The following AAMDC variants were observed in gnomAD, a reference collection of about 807,000 sequenced individuals.
AAMDC encodes mth938 domain-containing protein.
In AAMDC, 16 loss-of-function variants were observed where a neutral mutation model predicts 15.5. That is an observed-to-expected ratio of 1.03 (90% CI 0.70 to 1.57). The LOEUF (loss-of-function observed/expected upper bound fraction) is 1.57. Ranked by LOEUF, AAMDC falls within the 40% of genes most tolerant of loss-of-function variation. The pLI, the probability that AAMDC is intolerant of heterozygous loss-of-function variation, is 0.00. For synonymous variants in AAMDC, 51 were observed against 51.6 expected, an observed-to-expected ratio of 0.99 and a Z score of 0.05; for missense variants, 141 against 144.9, an observed-to-expected ratio of 0.97 and a Z score of 0.14.
At chr11:77,893,712 A>C (rs1281460018) in intron 5 of AAMDC, among the ~76,000 whole-genome samples, 1 of 151,846 alleles carries the variant, frequency 6.6e-6, no homozygotes, top group Non-Finnish European at 1.5e-5. Flanking sequence ...GGCCAACATG[A>C]TGAAACCCCG....
intron 5 of AAMDC, chr11:77,878,702 AC>A: frequency 1.4e-6 from 1 of 693,338 alleles, no homozygotes. Flanking sequence ...TTCTTTACAG[AC>A]CAGGAACTAG....
intron 5 of AAMDC, among the ~76,000 whole-genome samples, chr11:77,892,626 G>T (rs529127437): frequency 6.6e-6 from 1 of 151,840 alleles, no homozygotes; most frequent in East Asian, 1.9e-4. Flanking sequence ...ACTATTGCCC[G>T]GGCTGGTGTG....
intron 1 of AAMDC, among the ~76,000 whole-genome samples, chr11:77,837,390 C>A (rs1344723686): frequency 6.6e-6 from 1 of 151,026 alleles, no homozygotes; most frequent in African/African-American, 2.4e-5. Context: ...CCTGCCTCGG[C>A]CTCCCAAAAT....
intron 1 of AAMDC, among the ~76,000 whole-genome samples, chr11:77,833,103 G>A (rs960649645): frequency 6.8e-6 from 1 of 145,992 alleles, no homozygotes; most frequent in Non-Finnish European, 1.5e-5. Context: ...CTCAATCTCC[G>A]AGGTTCAAGC....
chr11:77,875,814 G>A (rs531867290), downstream of AAMDC, among the ~76,000 whole-genome samples: 3 of 152,324 alleles, frequency 2.0e-5, no homozygotes, highest in African/African-American at 7.2e-5. Flanking sequence ...GAGACAGTCT[G>A]AGGAGCACAT....
intron 5 of AAMDC, among the ~76,000 whole-genome samples, chr11:77,896,299 T>C (rs181235179): frequency 7.2e-5 from 11 of 152,224 alleles, no homozygotes; most frequent in Admixed American, 3.9e-4. Context: ...ACTCAACGGT[T>C]CAGAACAGTG....
Position 77,831,862 on chromosome 11 carries a change from ATTTTTT to A in AAMDC, c.-18-10595_-18-10590del, listed in dbSNP as rs767406733. 22 of 80,814 alleles carry A rather than the reference ATTTTTT, an allele frequency of 2.7e-4. 1 individual carries two copies. The South Asian group carries it at 7.5e-3, about 27-fold the overall frequency. 5.0% of individuals were successfully genotyped at this position (80,814 alleles called of 1,614,324 possible). On this transcript the variant is annotated intron_variant, in intron 1 of 3. Transcript: ENST00000393427. ...AGACATGTGCCACCATGCCTGGCTAATTTTTTTTTTTTTTTTTTTTTTTTTTTAGTA... is the reference window on the plus strand; with the variant it reads ...AGACATGTGCCACCATGCCTGGCTAATTTTTTTTTTTTTTTTTTTTTAGTA...
chr11:77,887,118 T>C (rs1017905519), intron 5 of AAMDC, among the ~76,000 whole-genome samples: 3 of 151,508 alleles, frequency 2.0e-5, no homozygotes, highest in Admixed American at 1.3e-4. Flanking sequence ...CTGAAGGAAA[T>C]AGAGACACAA....
chr11:77,849,848 A>G (rs1454563752), intron 2 of AAMDC, among the ~76,000 whole-genome samples: 5 of 152,210 alleles, frequency 3.3e-5, no homozygotes, highest in African/African-American at 1.2e-4. Context: ...TGGCTTTTGC[A>G]TTATCTCCTC....
intron 2 of AAMDC, among the ~76,000 whole-genome samples, chr11:77,844,595 C>T (rs1206926411): frequency 6.6e-6 from 1 of 152,080 alleles, no homozygotes; most frequent in Admixed American, 6.5e-5. Flanking sequence ...CTCCTGACCC[C>T]AAGAAATCCT....
chr11:77,874,054 T>C (rs1187800419), downstream of AAMDC, among the ~76,000 whole-genome samples: 1 of 152,266 alleles, frequency 6.6e-6, no homozygotes, highest in South Asian at 2.1e-4. Flanking sequence ...TGAAACAGTA[T>C]GGAAAGTGAA....
At chr11:77,876,215 C>T (rs949762623), downstream of AAMDC, among the ~76,000 whole-genome samples, 2 of 152,096 alleles carry the variant, frequency 1.3e-5, no homozygotes, top group Non-Finnish European at 2.9e-5. Flanking sequence ...CTGCTGGGTG[C>T]ATGCTAGACC....
chr11:77,824,187 C>G (rs563102087), intron 1 of AAMDC, among the ~76,000 whole-genome samples: 329 of 152,278 alleles, frequency 2.2e-3, no homozygotes, highest in Non-Finnish European at 3.1e-3. Flanking sequence ...TTCTTGCTTT[C>G]CTGGGCTAAG....
intron 3 of AAMDC, 47 bp downstream of exon 3, chr11:77,869,864 T>G: frequency 3.0e-5 from 46 of 1,558,808 alleles, no homozygotes; most frequent in African/African-American, 4.1e-5. Flanking sequence ...TGGGGATCTC[T>G]TGGGCCTTTG....
downstream of AAMDC, among the ~76,000 whole-genome samples, chr11:77,874,799 G>T (rs150982067): frequency 6.6e-6 from 1 of 152,178 alleles, no homozygotes; most frequent in African/African-American, 2.4e-5. Flanking sequence ...CGCTTTGGGA[G>T]GCCGAGGTGG....
At position 77,828,330 on chromosome 11, in the gene AAMDC, T is replaced by C. The variant is rs958530701; in HGVS notation, c.-19+7089T>C. Reference sequence around the variant, plus strand: ...ATGATATCAATAACTCCATTTACAATAGAATCAGAAAATATTTAGAGATTT... The same window carrying C: ...ATGATATCAATAACTCCATTTACAACAGAATCAGAAAATATTTAGAGATTT... On this transcript the variant is annotated intron_variant, in intron 1 of 3. Coordinates refer to ENST00000393427, the MANE Select transcript of AAMDC (RefSeq NM_024684.4). Among the ~76,000 whole-genome samples, 37 of 151,522 alleles carry C rather than the reference T, an allele frequency of 2.4e-4. No individual in the cohort carries two copies. In the East Asian group the frequency reaches 3.1e-3, roughly 13 times the overall value.
chr11:77,855,089 G>A (rs534538969), intron 2 of AAMDC, among the ~76,000 whole-genome samples: 3 of 152,190 alleles, frequency 2.0e-5, no homozygotes, highest in South Asian at 4.1e-4. Context: ...TGGCCGTGAT[G>A]CAGGGTGCTA....
chr11:77,893,724 C>A (rs1565227780), intron 5 of AAMDC, among the ~76,000 whole-genome samples: 1 of 152,030 alleles, frequency 6.6e-6, no homozygotes, highest in African/African-American at 2.4e-5. Context: ...GAAACCCCGT[C>A]TCTACTAAAA....
intron 1 of AAMDC, among the ~76,000 whole-genome samples, chr11:77,839,407 G>A (rs1197277707): frequency 6.6e-6 from 1 of 152,130 alleles, no homozygotes; most frequent in East Asian, 1.9e-4. Context: ...GGAAGACAGT[G>A]GGGCAATTCC....
Sources: gnomAD v4.1 joint callset for allele counts (sites outside exome capture counted in the v4.1 genomes callset) on GRCh38, gnomAD v4.1.1 for gene constraint, MANE v1.5 for transcripts, NCBI Gene and HGNC (gene_info 2026-07-23, HGNC 2026-07-21) for gene names.